Variants in PSMA1 observed in about 807,000 individuals in gnomAD.
The protein encoded by PSMA1 is proteasome 20S subunit alpha 1.
A neutral mutation model predicts 38.4 loss-of-function variants in PSMA1; 3 were observed. That is an observed-to-expected ratio of 0.08 (90% CI 0.04 to 0.20). PSMA1 has a LOEUF of 0.20. Ranked by LOEUF, PSMA1 falls within the 10% of genes least tolerant of loss-of-function variation. The pLI is 1.00. For synonymous variants in PSMA1, 101 were observed against 107.1 expected (o/e 0.94, Z 0.35); for missense variants, 227 against 325.3 (o/e 0.70, Z 2.32).
At chr11:14,522,157 TTTA>T (rs1406012192), upstream of PSMA1, among the ~76,000 whole-genome samples, 1 of 152,204 alleles carries the variant, frequency 6.6e-6, no homozygotes, top group African/African-American at 2.4e-5. Context: ...TGATACTGTT[TTTA>T]TTAATACACT....
chr11:14,629,796 A>C (rs1196370844), intron 1 of PSMA1, among the ~76,000 whole-genome samples: 1 of 151,374 alleles, frequency 6.6e-6, no homozygotes, highest in Non-Finnish European at 1.5e-5. Flanking sequence ...CTTCCTACCC[A>C]TGAGCATGGA....
intron 1 of PSMA1, among the ~76,000 whole-genome samples, chr11:14,643,019 C>A (rs917842867): frequency 6.6e-6 from 1 of 151,868 alleles, no homozygotes; most frequent in Admixed American, 6.5e-5. Flanking sequence ...TGTGAACCGG[C>A]GGATATGTAT....
chr11:14,632,157 T>C (rs1157362162), intron 1 of PSMA1, among the ~76,000 whole-genome samples: 14 of 145,362 alleles, frequency 9.6e-5, no homozygotes, highest in African/African-American at 3.5e-4. Context: ...GAGCATTTAG[T>C]CCATTTACAT....
chr11:14,634,197 C>T (rs185796895), intron 1 of PSMA1, among the ~76,000 whole-genome samples: 372 of 152,302 alleles, frequency 2.4e-3, no homozygotes, highest in Non-Finnish European at 4.0e-3. Flanking sequence ...TCATCCCCCC[C>T]GGTCTGTGGA....
exon 2 of PSMA1, chr11:14,611,072 A>C: frequency 7.2e-7 from 1 of 1,387,754 alleles, no homozygotes; most frequent in Non-Finnish European, 1.0e-6. Flanking sequence ...CCAGCCTTGG[A>C]GGGCCAAGGC....
At chr11:14,538,705 G>A (rs1490871243) in intron 2 of PSMA1, among the ~76,000 whole-genome samples, 1 of 152,214 alleles carries the variant, frequency 6.6e-6, no homozygotes, top group African/African-American at 2.4e-5. Context: ...TGGCATCAGA[G>A]GGAGCACCGT....
intron 1 of PSMA1, among the ~76,000 whole-genome samples, chr11:14,626,490 T>C (rs1012806852): frequency 6.6e-6 from 1 of 152,158 alleles, no homozygotes; most frequent in African/African-American, 2.4e-5. Flanking sequence ...GAAAGACATA[T>C]CCTTAGATGG....
At chr11:14,585,678 C>G (rs1052262213) in intron 2 of PSMA1, among the ~76,000 whole-genome samples, 1 of 152,180 alleles carries the variant, frequency 6.6e-6, no homozygotes, top group South Asian at 2.1e-4. Flanking sequence ...CAGAAATTTG[C>G]CCCTCTTTTA....
chr11:14,576,422 T>G (rs1463544528), intron 2 of PSMA1, among the ~76,000 whole-genome samples: 1 of 152,222 alleles, frequency 6.6e-6, no homozygotes. Context: ...GGTCTAACAT[T>G]TAAGTCTTTA....
chr11:14,512,074 G>A (rs1851353511), intron 7 of PSMA1, among the ~76,000 whole-genome samples: 1 of 152,144 alleles, frequency 6.6e-6, no homozygotes, highest in African/African-American at 2.4e-5. Context: ...CAAAACATCA[G>A]TGAAAGAATT....
At position 14,628,179 on chromosome 11, in the gene PSMA1, T is replaced by A. The variant is rs185231601; in HGVS notation, c.-166+15276A>T. Among the ~76,000 whole-genome samples the A allele has an allele frequency of 1.2e-4, 19 of 152,222 alleles. No individual in the cohort carries two copies. In the East Asian group the frequency reaches 3.1e-3, roughly 25 times the overall value. ...GATGGAATAGTTTTTCTTTTTTTTTTATTATACTTTAAGTTTTAGGGTACA... is the reference window on the plus strand; with the variant it reads ...GATGGAATAGTTTTTCTTTTTTTTTAATTATACTTTAAGTTTTAGGGTACA... On this transcript the variant is annotated intron_variant, in intron 1 of 10. Coordinates refer to the PSMA1 transcript ENST00000418988.
chr11:14,507,325 G>A (rs368745033), intron 9 of PSMA1, among the ~76,000 whole-genome samples: 4 of 152,044 alleles, frequency 2.6e-5, no homozygotes, highest in African/African-American at 2.4e-5. Flanking sequence ...ATGCCATGAC[G>A]CCCAGCTAAT....
chr11:14,579,059 A>C (rs1375972867), intron 2 of PSMA1, among the ~76,000 whole-genome samples: 1 of 152,208 alleles, frequency 6.6e-6, no homozygotes. Context: ...GCTATTATAC[A>C]ACACTTTGGA....
intron 2 of PSMA1, among the ~76,000 whole-genome samples, chr11:14,582,243 C>A (rs1321740477): frequency 6.6e-6 from 1 of 152,016 alleles, no homozygotes; most frequent in Non-Finnish European, 1.5e-5. Context: ...AATTATTGAA[C>A]TCTTGGAGAT....
intron 2 of PSMA1, among the ~76,000 whole-genome samples, chr11:14,598,049 T>C (rs1852524067): frequency 6.6e-6 from 1 of 152,216 alleles, no homozygotes; most frequent in Non-Finnish European, 1.5e-5. Flanking sequence ...TTCCATGTAG[T>C]TGTGTGGTTT....
chr11:14,517,987 G>C lies in PSMA1; in HGVS notation c.49-6C>G. The C allele has an allele frequency of 3.7e-6, 5 of 1,348,350 alleles. No homozygotes were observed. The highest frequency in any genetic ancestry group is 3.3e-5 in the African/African-American group (2 of 60,046). 83.5% of individuals were successfully genotyped at this position (1,348,350 alleles called of 1,614,324 possible). ...TCAATTTGATGAATCCTGCCCTAAA[G>C]AAAAAAAAAACAAAAAACACACATC... On this transcript the variant is annotated splice_region_variant and splice_polypyrimidine_tract_variant and intron_variant, in intron 2 of 9. Transcript: ENST00000396394.
intron 2 of PSMA1, among the ~76,000 whole-genome samples, chr11:14,582,926 C>G (rs1006391537): frequency 7.2e-5 from 11 of 152,136 alleles, no homozygotes; most frequent in African/African-American, 2.2e-4. Flanking sequence ...TCTGGAGAAC[C>G]CTGGGTCTTG....
intron 1 of PSMA1, among the ~76,000 whole-genome samples, chr11:14,635,795 T>C (rs1853106928): frequency 6.6e-6 from 1 of 152,208 alleles, no homozygotes; most frequent in Non-Finnish European, 1.5e-5. Flanking sequence ...TTTAGTTATT[T>C]TAACCTCTAA....
chr11:14,642,661 C>T (rs935236348), intron 1 of PSMA1, among the ~76,000 whole-genome samples: 1 of 152,128 alleles, frequency 6.6e-6, no homozygotes, highest in African/African-American at 2.4e-5. Flanking sequence ...GAAATGCAGT[C>T]CGGTCATGAG....
Sources: gnomAD v4.1 joint callset for allele counts (sites outside exome capture counted in the v4.1 genomes callset) on GRCh38, gnomAD v4.1.1 for gene constraint, MANE v1.5 for transcripts, NCBI Gene and HGNC (gene_info 2026-07-23, HGNC 2026-07-21) for gene names.